CDK8: variants seen among roughly 807,000 people sequenced by gnomAD.
CDK8 encodes the protein cyclin-dependent kinase 8.
CDK8 carries 29 observed loss-of-function variants against 71.5 expected under a neutral mutation model. That is an observed-to-expected ratio of 0.41 (90% confidence interval 0.30 to 0.55). The LOEUF (loss-of-function observed/expected upper bound fraction) is 0.55. Among genes scored for constraint, CDK8 ranks in the 20% least tolerant of loss-of-function variants. The pLI, the probability that CDK8 is intolerant of heterozygous loss-of-function variation, is 0.37. For missense variants in CDK8, 288 were observed against 572.6 expected, an observed-to-expected ratio of 0.50 and a Z score of 5.07; for synonymous variants, 161 against 192.1, an observed-to-expected ratio of 0.84 and a Z score of 1.34.
At position 26,254,874 on chromosome 13, in the gene CDK8, T is replaced by G; in HGVS notation, c.128+105T>G. The G allele has an allele frequency of 6.8e-7, 1 of 1,468,642 alleles. No homozygotes were observed. 91.0% of individuals were successfully genotyped at this position (1,468,642 alleles called of 1,614,324 possible). A position where few individuals can be genotyped will look rare whatever the true frequency, so the allele number is the denominator to read the frequency against. On this transcript the variant is annotated intron_variant, in intron 1 of 12. Coordinates refer to ENST00000381527, the MANE Select transcript of CDK8 (RefSeq NM_001260.3). The surrounding 1 kb of genome is among the most constrained non-coding windows in gnomAD (Gnocchi z 6.7). ...GGCCGCCGGGGTGCCGGGCTCTGACTTCCTCGACGCCGGCCTCTGGCTCCG... is the reference window on the plus strand; with the variant it reads ...GGCCGCCGGGGTGCCGGGCTCTGACGTCCTCGACGCCGGCCTCTGGCTCCG...
chr13:26,270,453 G>A (rs1371221605), intron 1 of CDK8, among the ~76,000 whole-genome samples: 1 of 151,416 alleles, frequency 6.6e-6, no homozygotes, highest in Non-Finnish European at 1.5e-5. Flanking sequence ...TATATTCACA[G>A]GGTTGTGCAG....
Position 26,353,744 on chromosome 13 carries a change from T to C in CDK8, c.320T>C (p.Ile107Thr). 2 of 1,609,442 alleles carry C rather than the reference T, an allele frequency of 1.2e-6. No homozygotes were observed. The highest frequency in any genetic ancestry group is 1.3e-5 in the African/African-American group (1 of 74,910). Reference protein sequence around the residue: ...FDYAEHDLWHIIKFHRASKAN... With the variant: ...FDYAEHDLWHTIKFHRASKAN... ...ATATTTTTTTCTTTCTTTCAGCATA[T>C]AATCAAGTTTCACAGAGCTTCTAAA... The change falls in exon 4 of 13, where the codon ATA becomes ACA. Residue 107 changes from isoleucine to threonine, a missense_variant. Ile to Thr is a moderately conservative substitution (Grantham distance 89). Transcript: ENST00000381527.
At chr13:26,281,735 T>TA (rs1334128799) in intron 1 of CDK8, among the ~76,000 whole-genome samples, 11 of 149,148 alleles carry the variant, frequency 7.4e-5, no homozygotes, top group South Asian at 2.1e-4. Context: ...TTAAAGAAAT[T>TA]AAAAAAAAAT....
intron 1 of CDK8, among the ~76,000 whole-genome samples, chr13:26,265,685 G>A (rs1013972247): frequency 2.6e-5 from 4 of 152,130 alleles, no homozygotes; most frequent in Non-Finnish European, 5.9e-5. Context: ...AAGACATGAA[G>A]GAAAGATGGT....
At chr13:26,392,934 C>A (rs1233562787) in intron 6 of CDK8, among the ~76,000 whole-genome samples, 2 of 151,944 alleles carry the variant, frequency 1.3e-5, no homozygotes. Flanking sequence ...AGGCGAGTGC[C>A]CAATTTCAAA....
intron 1 of CDK8, among the ~76,000 whole-genome samples, chr13:26,312,313 C>A (rs2137932872): frequency 6.6e-6 from 1 of 152,102 alleles, no homozygotes. Context: ...CACTTGAGTC[C>A]CCTTCCACAC....
At position 26,291,798 on chromosome 13, in the gene CDK8, A is replaced by G. The variant is rs533324643; in HGVS notation, c.128+37029A>G. On this transcript the variant is annotated intron_variant, in intron 1 of 12. Transcript: ENST00000381527. The stretch of plus-strand genomic sequence containing the variant: ...ACTTTCTTTCCCCATCTTCATAGGA[A>G]CTCTTAGAACTTCCATATACCTTCA... 5.3e-5 allele frequency among the ~76,000 whole-genome samples: 8 copies of G among 152,050 alleles called. No individual in the cohort carries two copies. In the South Asian group the frequency reaches 6.2e-4, roughly 12 times the overall value.
intron 5 of CDK8, 62 bp from the exon 6 acceptor site, chr13:26,385,149 C>T (rs2138049662): frequency 7.4e-7 from 1 of 1,342,602 alleles, no homozygotes; most frequent in Non-Finnish European, 1.0e-6. Flanking sequence ...GTAAATTAGA[C>T]TAATTGGTTA....
chr13:26,256,199 C>T (rs2137845410), intron 1 of CDK8, among the ~76,000 whole-genome samples: 1 of 152,304 alleles, frequency 6.6e-6, no homozygotes, highest in South Asian at 2.1e-4. Flanking sequence ...AATGGATAGT[C>T]TGGTGACACT....
chr13:26,277,038 AT>A (rs1346801224), intron 1 of CDK8, among the ~76,000 whole-genome samples: 2 of 152,322 alleles, frequency 1.3e-5, no homozygotes, highest in East Asian at 3.9e-4. Context: ...GAATAAAAGA[AT>A]GCTTGAGTAA....
At chr13:26,325,493 T>C (rs1377948318) in intron 1 of CDK8, among the ~76,000 whole-genome samples, 4 of 152,320 alleles carry the variant, frequency 2.6e-5, no homozygotes, top group Middle Eastern at 3.4e-3. Flanking sequence ...CAAAACTTAT[T>C]AGCCTGCTCT....
chr13:26,397,158 C>A lies in CDK8; in HGVS notation c.866C>A (p.Thr289Asn). 5.1e-6 allele frequency: 8 copies of A among 1,575,936 alleles called. No individual in the cohort carries two copies. Among genetic ancestry groups the A allele is most frequent in the Non-Finnish European group, 6.1e-6 (7 of 1,147,792 alleles). ...TCATAGTATTTCTCTTTCAGGTATA[C>A]CAACTGCAGCCTTATCAAGTATATG... ...LMKDFRRNTY[T>N]NCSLIKYMEK... is the part of the protein sequence containing the mutation. The change falls in exon 9 of 13, where the codon ACC becomes AAC. Residue 289 changes from threonine (T) to asparagine (N), a missense_variant. Thr to Asn is a moderately conservative substitution (Grantham distance 65, BLOSUM62 0). This residue lies in a region of CDK8 where 96 missense variants were observed against 229.8 expected (regional missense o/e 0.42). Coordinates refer to ENST00000381527, the MANE Select transcript of CDK8 (RefSeq NM_001260.3).
intron 1 of CDK8, among the ~76,000 whole-genome samples, chr13:26,319,208 C>G (rs752499301): frequency 2.0e-5 from 3 of 152,108 alleles, no homozygotes; most frequent in Admixed American, 6.6e-5. Context: ...TGGCTTATGC[C>G]TGTAATCCCA....
At chr13:26,319,866 T>G (rs1416715401) in intron 1 of CDK8, among the ~76,000 whole-genome samples, 1 of 152,076 alleles carries the variant, frequency 6.6e-6, no homozygotes, top group Non-Finnish European at 1.5e-5. Flanking sequence ...TGGCATAAAG[T>G]CAGAAATGTG....
At chr13:26,369,569 C>T (rs1266369554) in intron 4 of CDK8, among the ~76,000 whole-genome samples, 148 of 134,098 alleles carry the variant, frequency 1.1e-3, no homozygotes, top group African/African-American at 4.0e-3. Flanking sequence ...CGCTCTGTCA[C>T]CCAGGCTGGA....
At chr13:26,375,448 C>A (rs1303932371) in intron 4 of CDK8, among the ~76,000 whole-genome samples, 1 of 152,150 alleles carries the variant, frequency 6.6e-6, no homozygotes, top group Non-Finnish European at 1.5e-5. Flanking sequence ...GATACAGACA[C>A]CCTTTTATAT....
intron 1 of CDK8, among the ~76,000 whole-genome samples, chr13:26,283,376 G>A (rs1160422260): frequency 2.6e-5 from 4 of 152,224 alleles, no homozygotes; most frequent in African/African-American, 4.8e-5. Context: ...TTGGGAGGCC[G>A]AGGCGGGCGG....
intron 1 of CDK8, among the ~76,000 whole-genome samples, chr13:26,296,068 A>G (rs1448008495): frequency 1.3e-5 from 2 of 152,220 alleles, no homozygotes; most frequent in African/African-American, 4.8e-5. Flanking sequence ...CTTTTTAGCC[A>G]GGAGCCAAGA....
chr13:26,366,442 C>T (rs548621533), intron 4 of CDK8, among the ~76,000 whole-genome samples: 1 of 152,192 alleles, frequency 6.6e-6, no homozygotes, highest in South Asian at 2.1e-4. Context: ...AAATCAGTAA[C>T]CGTTACTGAA....
Sources: allele counts gnomAD v4.1 joint callset (sites outside exome capture counted in the v4.1 genomes callset), GRCh38; gene constraint gnomAD v4.1.1; regional missense constraint gnomAD v4.1.1; non-coding constraint Gnocchi (gnomAD v3.1); transcripts MANE v1.5; gene names NCBI Gene and HGNC (gene_info 2026-07-23, HGNC 2026-07-21).